Variants in TAFA1 observed in about 807,000 individuals in gnomAD.
The protein encoded by TAFA1 is chemokine-like protein TAFA-1.
Under a neutral mutation model 18.5 loss-of-function variants are expected in TAFA1, and 4 were observed. That is an observed-to-expected ratio of 0.22 (90% confidence interval 0.11 to 0.49). The LOEUF (loss-of-function observed/expected upper bound fraction) is 0.49. Among genes scored for constraint, TAFA1 ranks in the 20% least tolerant of loss-of-function variants. The pLI is 0.98. For synonymous variants in TAFA1, 56 were observed against 55.2 expected (o/e 1.01, Z -0.06); for missense variants, 147 against 169.0 (o/e 0.87, Z 0.72).
At chr3:68,037,662 G>C (rs953118440) in intron 2 of TAFA1, among the ~76,000 whole-genome samples, 9 of 152,078 alleles carry the variant, frequency 5.9e-5, no homozygotes, top group Admixed American at 5.2e-4. Flanking sequence ...TTTTCCTCTG[G>C]TATGTGGAAG....
At chr3:68,476,815 A>G (rs1167030972) in intron 3 of TAFA1, among the ~76,000 whole-genome samples, 3 of 152,206 alleles carry the variant, frequency 2.0e-5, no homozygotes, top group Non-Finnish European at 4.4e-5. Context: ...AGTTATAACT[A>G]TTAGTGTTTT....
intron 2 of TAFA1, among the ~76,000 whole-genome samples, chr3:68,316,905 T>C (rs2068614360): frequency 6.6e-6 from 1 of 152,216 alleles, no homozygotes; most frequent in East Asian, 1.9e-4. Context: ...AGTGTTTTGG[T>C]TAATGACAAA....
chr3:68,539,677 G>GGA (rs2073337578), intron 4 of TAFA1, among the ~76,000 whole-genome samples: 1 of 17,904 alleles, frequency 5.6e-5, no homozygotes, highest in Non-Finnish European at 2.5e-4. Context: ...GTGTGTGTGT[G>GGA]TGGGGGGGCA....
chr3:68,076,235 C>T (rs2064821834), intron 2 of TAFA1, among the ~76,000 whole-genome samples: 1 of 150,744 alleles, frequency 6.6e-6, no homozygotes, highest in Non-Finnish European at 1.5e-5. Flanking sequence ...AAGTAGCCCA[C>T]ACAGAAGTCA....
At chr3:68,179,571 G>C (rs1008318438) in intron 2 of TAFA1, among the ~76,000 whole-genome samples, 2 of 152,176 alleles carry the variant, frequency 1.3e-5, no homozygotes, top group East Asian at 3.9e-4. Flanking sequence ...AAATAATAAT[G>C]TAATAACAAG....
intron 2 of TAFA1, among the ~76,000 whole-genome samples, chr3:68,259,941 C>A (rs2067379700): frequency 1.3e-5 from 2 of 151,598 alleles, no homozygotes; most frequent in African/African-American, 4.8e-5. Flanking sequence ...CCTTCTCCTG[C>A]CTAATTGCCC....
intron 2 of TAFA1, among the ~76,000 whole-genome samples, chr3:68,187,733 T>G (rs907330330): frequency 6.6e-6 from 1 of 151,980 alleles, no homozygotes; most frequent in Non-Finnish European, 1.5e-5. Context: ...TAGTAGAAAA[T>G]GCCAAGCAGT....
intron 2 of TAFA1, among the ~76,000 whole-genome samples, chr3:68,034,365 C>T (rs565748929): frequency 1.3e-5 from 2 of 152,258 alleles, no homozygotes; most frequent in Admixed American, 1.3e-4. Flanking sequence ...TCATTTGATC[C>T]TCACCATAAA....
At chr3:68,133,242 C>T (rs919264595) in intron 2 of TAFA1, among the ~76,000 whole-genome samples, 53 of 152,182 alleles carry the variant, frequency 3.5e-4, no homozygotes, top group East Asian at 1.2e-3. Context: ...CTTTTGGTAC[C>T]GGTACCATGC....
chr3:68,223,533 A>AT (rs3033749), intron 2 of TAFA1, among the ~76,000 whole-genome samples: 64 of 149,958 alleles, frequency 4.3e-4, no homozygotes, highest in East Asian at 9.8e-4. Flanking sequence ...TGTTAGGACC[A>AT]TTTTTTTTTT....
At chr3:68,535,987 C>T (rs1045100278) in intron 3 of TAFA1, among the ~76,000 whole-genome samples, 1 of 152,126 alleles carries the variant, frequency 6.6e-6, no homozygotes, top group Non-Finnish European at 1.5e-5. Flanking sequence ...GTGGCAATTG[C>T]AAGCCATCTC....
intron 3 of TAFA1, among the ~76,000 whole-genome samples, chr3:68,469,053 A>G (rs980708012): frequency 6.6e-6 from 1 of 152,192 alleles, no homozygotes; most frequent in Non-Finnish European, 1.5e-5. Flanking sequence ...CTTTCCAAGC[A>G]ATTGTTAGGA....
At chr3:68,350,001 A>G (rs772847701) in intron 2 of TAFA1, among the ~76,000 whole-genome samples, 3 of 152,256 alleles carry the variant, frequency 2.0e-5, no homozygotes, top group South Asian at 2.1e-4. Flanking sequence ...CGTTAGCAGT[A>G]TTTATCTGGC....
intron 2 of TAFA1, among the ~76,000 whole-genome samples, chr3:68,199,393 A>AAAAT (rs1434291853): frequency 6.6e-6 from 1 of 151,518 alleles, no homozygotes; most frequent in East Asian, 2.0e-4. Flanking sequence ...CAATATCTAC[A>AAAAT]AAATAATTTT....
intron 3 of TAFA1, among the ~76,000 whole-genome samples, chr3:68,493,192 TC>T (rs1450123966): frequency 6.6e-6 from 1 of 152,164 alleles, no homozygotes; most frequent in African/African-American, 2.4e-5. Flanking sequence ...TACTTCTGTC[TC>T]CATGAACTTG....
intron 2 of TAFA1, among the ~76,000 whole-genome samples, chr3:68,022,585 G>A (rs550623279): frequency 2.0e-5 from 3 of 152,096 alleles, no homozygotes; most frequent in Non-Finnish European, 2.9e-5. Flanking sequence ...GTAAGGGATG[G>A]AATTTGAGTA....
chr3:68,433,201 G>T (rs1425295050), intron 3 of TAFA1, among the ~76,000 whole-genome samples: 1 of 151,926 alleles, frequency 6.6e-6, no homozygotes, highest in Non-Finnish European at 1.5e-5. Context: ...CCAGCCTCTT[G>T]GGAAACATCT....
intron 2 of TAFA1, among the ~76,000 whole-genome samples, chr3:68,229,825 A>C (rs1311760224): frequency 6.6e-6 from 1 of 152,124 alleles, no homozygotes; most frequent in African/African-American, 2.4e-5. Flanking sequence ...CTTAAGGCTC[A>C]GTTTCTTCAT....
In TAFA1 at chr3:68,124,183, G is replaced by T. The variant is rs533604862; in HGVS notation, c.118+117439G>T. Among the ~76,000 whole-genome samples, 15 of 152,268 alleles carry T rather than the reference G, an allele frequency of 9.9e-5. No homozygotes were observed. The East Asian group carries it at 1.9e-3, about 20-fold the overall frequency. On this transcript the variant is annotated intron_variant, in intron 2 of 4. Transcript: ENST00000478136. Reference sequence around the variant, plus strand: ...AATTAATGAAAGTTTTAAATGTGCTGGCTGTAAGCCTTGTCACTCGATGGT... The same window carrying T: ...AATTAATGAAAGTTTTAAATGTGCTTGCTGTAAGCCTTGTCACTCGATGGT...
Sources: gnomAD v4.1 joint callset for allele counts (sites outside exome capture counted in the v4.1 genomes callset) on GRCh38, gnomAD v4.1.1 for gene constraint, MANE v1.5 for transcripts, NCBI Gene and HGNC (gene_info 2026-07-23, HGNC 2026-07-21) for gene names.